The following PHGR1 variants were observed in gnomAD, a reference collection of about 807,000 sequenced individuals.
The protein encoded by PHGR1 is proline, histidine and glycine-rich protein 1.
A neutral mutation model predicts 4.9 loss-of-function variants in PHGR1; 3 were observed. The observed-to-expected ratio is 0.61, with a 90% CI of 0.28 to 1.58. The LOEUF is 1.58. Among genes scored for constraint, PHGR1 ranks in the 40% most tolerant of loss-of-function variants. The probability of loss-of-function intolerance (pLI) is 0.11; values close to 1 mark genes in which losing one functional copy is unlikely to be tolerated. For synonymous variants in PHGR1, 32 were observed against 46.1 expected, an observed-to-expected ratio of 0.69 and a Z score of 1.24; for missense variants, 81 against 118.7, an observed-to-expected ratio of 0.68 and a Z score of 1.48.
chr15:40,354,420 C>T, intron 3 of PHGR1, 68 bp downstream of exon 3: 1 of 1,466,074 alleles, frequency 6.8e-7, no homozygotes, highest in Non-Finnish European at 9.2e-7. Flanking sequence ...CCCCTAGCCT[C>T]CTTCCTAGAC....
intron 1 of PHGR1, among the ~76,000 whole-genome samples, chr15:40,351,614 A>G (rs997685740): frequency 1.3e-5 from 2 of 152,166 alleles, no homozygotes. Flanking sequence ...GCCAGTGAAA[A>G]TGGGTAGCTC....
Position 40,353,155 on chromosome 15 carries a change from G to GCA in PHGR1, c.-26-76_-26-75insAC, listed in dbSNP as rs1566911290. 1.9e-5 allele frequency: 25 copies of GCA among 1,330,700 alleles called. No individual in the cohort carries two copies. In the East Asian group the frequency reaches 3.1e-4, roughly 16 times the overall value. The allele number at this position is 1,330,700 out of a possible 1,614,324, so 82.4% of individuals were successfully genotyped here. A position where few individuals can be genotyped will look rare whatever the true frequency, so the allele number is the denominator to read the frequency against. On this transcript the variant is annotated intron_variant, in intron 1 of 3. Transcript: ENST00000448599. ...TGTGTGTGTGTGTGTGTGCGCGCGCGCGCGCATCCGTGGGAGGGAGAAAGG... is the reference window on the plus strand; with the variant it reads ...TGTGTGTGTGTGTGTGTGCGCGCGCGCACGCGCATCCGTGGGAGGGAGAAAGG...
chr15:40,353,147 G>GCA, intron 1 of PHGR1, 85 bp from the exon 2 acceptor site: 4 of 1,037,690 alleles, frequency 3.9e-6, no homozygotes, highest in Admixed American at 2.3e-5. Flanking sequence ...GTGTGTGTGT[G>GCA]CGCGCGCGCG....
At chr15:40,353,111 GT>G (rs1435093112) in intron 1 of PHGR1, 120 bp from the exon 2 acceptor site, 62 of 80,136 alleles carry the variant, frequency 7.7e-4, no homozygotes, top group East Asian at 4.0e-3. Flanking sequence ...CCTTTGAAGG[GT>G]GTGTGTGTGT....
At chr15:40,355,981 G>C in intron 3 of PHGR1, 92 bp from the exon 4 acceptor site, 2 of 1,332,514 alleles carry the variant, frequency 1.5e-6, no homozygotes, top group Admixed American at 3.9e-5. Context: ...GAAATCCTGA[G>C]TCCCCCAGGG....
Position 40,356,194 on chromosome 15 carries a change from C to G in PHGR1, c.140C>G (p.Pro47Arg). The G allele has an allele frequency of 6.8e-7, 1 of 1,467,710 alleles. No individual in the cohort carries two copies. The highest frequency in any genetic ancestry group is 9.1e-7 in the Non-Finnish European group (1 of 1,100,214). 90.9% of individuals were successfully genotyped at this position (1,467,710 alleles called of 1,614,324 possible). ...HHGPGPCGPP[P>R]GHGPGPCGPP... ...GGTCCAGGGCCCTGCGGGCCACCCCCTGGCCATGGCCCAGGGCCCTGCGGG... is the reference window on the plus strand; with the variant it reads ...GGTCCAGGGCCCTGCGGGCCACCCCGTGGCCATGGCCCAGGGCCCTGCGGG... The change falls in exon 4 of 4, where the codon CCT becomes CGT. Residue 47 changes from proline to arginine, a missense_variant. Coordinates refer to ENST00000448599, the MANE Select transcript of PHGR1 (RefSeq NM_001145643.2).
In PHGR1 at chr15:40,356,370, G is replaced by A. The variant is rs551063220; in HGVS notation, c.*67G>A. On this transcript the variant is annotated 3_prime_UTR_variant, in exon 4 of 4. Transcript: ENST00000448599. ...GAATTGCCCAGCTGACCTGGAATGA[G>A]GCCTAAACCACAATCTTCTCTTCCT... The A allele has an allele frequency of 6.5e-7, 1 of 1,549,022 alleles. No individual in the cohort carries two copies. The highest frequency in any genetic ancestry group is 1.4e-5 in the African/African-American group (1 of 73,092).
At position 40,352,395 on chromosome 15, in the gene PHGR1, T is replaced by C. The variant is rs988260197; in HGVS notation, c.-26-837T>C. ...CACATACTACACTCCCATTTGAGGG[T>C]TGAAAAAAAATGAATGTACTGTATG... On this transcript the variant is annotated intron_variant, in intron 1 of 3. Coordinates refer to ENST00000448599, the MANE Select transcript of PHGR1 (RefSeq NM_001145643.2). Among the ~76,000 whole-genome samples the C allele has an allele frequency of 4.6e-5, 7 of 152,012 alleles. No homozygotes were observed. In the South Asian group the frequency reaches 8.3e-4, roughly 18 times the overall value.
intron 1 of PHGR1, among the ~76,000 whole-genome samples, chr15:40,352,779 G>C (rs1207205252): frequency 6.6e-6 from 1 of 152,222 alleles, no homozygotes; most frequent in Non-Finnish European, 1.5e-5. Context: ...TGCCATGCCA[G>C]ATGTTTACAC....
chr15:40,353,409 G>C, intron 2 of PHGR1, 142 bp downstream of exon 2: 1 of 1,043,518 alleles, frequency 9.6e-7, no homozygotes, highest in Non-Finnish European at 1.4e-6. Flanking sequence ...CAGTGGTAGG[G>C]GTCCACAATG....
intron 1 of PHGR1, 107 bp from the exon 2 acceptor site, chr15:40,353,125 G>C: frequency 1.2e-6 from 1 of 829,776 alleles, no homozygotes; most frequent in Non-Finnish European, 1.9e-6. Flanking sequence ...GTGTGTGTGT[G>C]TGTGTGTGTG....
At chr15:40,352,897 G>C (rs7164581) in intron 1 of PHGR1, among the ~76,000 whole-genome samples, 23,915 of 152,176 alleles carry the variant, frequency 0.16, 1,961 homozygotes, top group African/African-American at 0.19. Flanking sequence ...AAGAGGAATC[G>C]GATTAACACA....
At chr15:40,352,519 T>C (rs973051208) in intron 1 of PHGR1, among the ~76,000 whole-genome samples, 1 of 152,186 alleles carries the variant, frequency 6.6e-6, no homozygotes, top group Non-Finnish European at 1.5e-5. Context: ...CTCCATCTCA[T>C]GACAGCACGG....
intron 1 of PHGR1, among the ~76,000 whole-genome samples, chr15:40,352,387 T>C (rs1889217494): frequency 6.6e-6 from 1 of 152,050 alleles, no homozygotes; most frequent in Non-Finnish European, 1.5e-5. Context: ...TACACTCCCA[T>C]TTGAGGGTTG....
chr15:40,354,346 T>G lies in PHGR1; in HGVS notation c.12T>G (p.Gly4=). The G allele has an allele frequency of 6.5e-7, 1 of 1,536,236 alleles. No individual in the cohort carries two copies. Among genetic ancestry groups the G allele is most frequent in the South Asian group, 1.2e-5 (1 of 84,014 alleles). ...TTTTTTTCCCTTCCTCTCCCACAGG[T>G]CCGAAGGTAGGAAAGTTCCCCCAAT... MDP[G]PKGHCHCGGH... is the part of the protein sequence containing the mutation. The change falls in exon 3 of 4, where the codon GGT becomes GGG. Residue 4 remains glycine, a splice_region_variant and synonymous_variant. Coordinates refer to ENST00000448599, the MANE Select transcript of PHGR1 (RefSeq NM_001145643.2).
chr15:40,352,797 G>A (rs535996403), intron 1 of PHGR1, among the ~76,000 whole-genome samples: 1 of 152,362 alleles, frequency 6.6e-6, no homozygotes, highest in Admixed American at 6.5e-5. Context: ...CACAAGACAA[G>A]AGTCTGTAGG....
rs1889234634 is a variant in PHGR1 at position 40,353,151 on chromosome 15, G to GCA, written c.-26-80_-26-79insAC. 61 of 1,283,422 alleles carry GCA rather than the reference G, an allele frequency of 4.8e-5. 1 individual carries two copies. The highest frequency in any genetic ancestry group is 1.9e-4 in the South Asian group (15 of 77,770). The allele number at this position is 1,283,422 out of a possible 1,614,324, so 79.5% of individuals were successfully genotyped here. On this transcript the variant is annotated intron_variant, in intron 1 of 3. Transcript: ENST00000448599. Reference sequence around the variant, plus strand: ...TGTGTGTGTGTGTGTGTGTGTGCGCGCGCGCGCGCATCCGTGGGAGGGAGA... The same window carrying GCA: ...TGTGTGTGTGTGTGTGTGTGTGCGCGCACGCGCGCGCATCCGTGGGAGGGAGA...
intron 2 of PHGR1, chr15:40,353,579 C>A: frequency 2.8e-6 from 1 of 356,162 alleles, no homozygotes; most frequent in Admixed American, 4.1e-5. Flanking sequence ...AGAGGTGCAG[C>A]TGGGTCGGAA....
Position 40,356,286 on chromosome 15 carries a change from C to G in PHGR1, c.232C>G (p.Pro78Ala), listed in dbSNP as rs1889300596. Residue 78 changes from proline (P) to alanine (A), a missense_variant, in exon 4 of 4, where the codon CCT becomes GCT. Transcript: ENST00000448599. ...TGGCCATGGCCCAGGTCACCCACCCCCTGGTCCACATCACTGAGGAAGTAG... is the reference window on the plus strand; with the variant it reads ...TGGCCATGGCCCAGGTCACCCACCCGCTGGTCCACATCACTGAGGAAGTAG... ...PPGHGPGHPPPGPHH is the reference protein window; with the variant it reads ...PPGHGPGHPPAGPHH The G allele has an allele frequency of 1.3e-6, 2 of 1,549,780 alleles. No homozygotes were observed. Among genetic ancestry groups the G allele is most frequent in the Non-Finnish European group, 1.7e-6 (2 of 1,146,608 alleles).
Sources: gnomAD v4.1 joint callset for allele counts (sites outside exome capture counted in the v4.1 genomes callset) on GRCh38, gnomAD v4.1.1 for gene constraint, MANE v1.5 for transcripts, NCBI Gene and HGNC (gene_info 2026-07-23, HGNC 2026-07-21) for gene names.